EXOC4: variants seen among roughly 807,000 people sequenced by gnomAD.
EXOC4 encodes the protein SEC8-like 1.
A neutral mutation model predicts 107.2 loss-of-function variants in EXOC4; 71 were observed. The ratio of observed to expected loss-of-function variants is 0.66; its 90% CI spans 0.55 to 0.81. EXOC4 has a LOEUF of 0.81. Among genes scored for constraint, EXOC4 ranks in the 30% least tolerant of loss-of-function variants. EXOC4 has a pLI of 0.00. For missense variants in EXOC4, 1,108 were observed against 1,189.6 expected (o/e 0.93, Z 1.01); for synonymous variants, 456 against 441.2 (o/e 1.03, Z -0.42).
rs182244662 is a variant in EXOC4, at chr7:133,397,796, T to C, written c.1182+22794T>C. 2.6e-5 allele frequency among the ~76,000 whole-genome samples: 4 copies of C among 152,316 alleles called. No individual in the cohort carries two copies. The East Asian group carries it at 7.7e-4, about 29-fold the overall frequency. On this transcript the variant is annotated intron_variant, in intron 7 of 17. Transcript: ENST00000253861. ...AATAACAAAATTAAAAAATTACAGC[T>C]AACATTTGATAAGCATTTACCACAT...
chr7:133,563,897 C>G (rs2150953041), intron 9 of EXOC4, among the ~76,000 whole-genome samples: 1 of 152,222 alleles, frequency 6.6e-6, no homozygotes, highest in Non-Finnish European at 1.5e-5. Flanking sequence ...GCCACTTTGT[C>G]CATTTGAATT....
At chr7:133,681,809 C>G (rs962868144) in intron 10 of EXOC4, among the ~76,000 whole-genome samples, 3 of 151,808 alleles carry the variant, frequency 2.0e-5, no homozygotes, top group Non-Finnish European at 4.4e-5. Context: ...CCTCCTTCAT[C>G]GGTTGTACGT....
At chr7:133,968,537 G>A (rs2116863942) in intron 14 of EXOC4, among the ~76,000 whole-genome samples, 1 of 152,226 alleles carries the variant, frequency 6.6e-6, no homozygotes, top group East Asian at 1.9e-4. Flanking sequence ...CAGGCCTGGT[G>A]GTGACAAAAT....
chr7:133,587,886 A>T (rs1441480291), intron 9 of EXOC4, among the ~76,000 whole-genome samples: 1 of 152,234 alleles, frequency 6.6e-6, no homozygotes, highest in African/African-American at 2.4e-5. Context: ...AAAATTCACC[A>T]AACACTACAC....
chr7:133,571,418 T>C (rs1183148559), intron 9 of EXOC4, among the ~76,000 whole-genome samples: 2 of 152,214 alleles, frequency 1.3e-5, no homozygotes, highest in African/African-American at 4.8e-5. Flanking sequence ...CTTATGCCTG[T>C]AATCCCAGCA....
chr7:133,822,433 C>G (rs1797543795), intron 11 of EXOC4, among the ~76,000 whole-genome samples: 1 of 152,162 alleles, frequency 6.6e-6, no homozygotes, highest in Non-Finnish European at 1.5e-5. Flanking sequence ...CCTTACCCAT[C>G]AAATTGCTGA....
At chr7:133,254,764 A>G (rs901577528) in intron 1 of EXOC4, among the ~76,000 whole-genome samples, 1 of 152,194 alleles carries the variant, frequency 6.6e-6, no homozygotes, top group Non-Finnish European at 1.5e-5. Flanking sequence ...TACGAGAGAG[A>G]CATGAAATGT....
chr7:133,338,517 C>T (rs1394666372), intron 5 of EXOC4, among the ~76,000 whole-genome samples: 24 of 137,834 alleles, frequency 1.7e-4, no homozygotes, highest in African/African-American at 2.4e-4. Context: ...GGCGTGAACC[C>T]GGGAAGCGGA....
At chr7:133,815,357 G>A (rs1183039549) in intron 10 of EXOC4, among the ~76,000 whole-genome samples, 5 of 147,690 alleles carry the variant, frequency 3.4e-5, no homozygotes, top group African/African-American at 7.6e-5. Context: ...CCTGGGTGAC[G>A]GAGTAAGACT....
chr7:133,751,611 A>G (rs938284230), intron 10 of EXOC4, among the ~76,000 whole-genome samples: 2 of 152,176 alleles, frequency 1.3e-5, no homozygotes, highest in Non-Finnish European at 2.9e-5. Flanking sequence ...GTATAGCAGC[A>G]TCTTGATTTG....
intron 17 of EXOC4, among the ~76,000 whole-genome samples, chr7:134,056,858 G>A (rs1035183492): frequency 9.9e-5 from 15 of 152,150 alleles, no homozygotes; most frequent in African/African-American, 3.6e-4. Context: ...GCCAAGGAGT[G>A]TGTCATCATC....
intron 1 of EXOC4, among the ~76,000 whole-genome samples, chr7:133,266,690 C>G (rs147334957): frequency 6.6e-6 from 1 of 152,184 alleles, no homozygotes; most frequent in Admixed American, 6.5e-5. Flanking sequence ...TTCAAAATCT[C>G]TAGGCCTGAA....
intron 7 of EXOC4, among the ~76,000 whole-genome samples, chr7:133,378,344 G>C (rs1796536580): frequency 6.7e-6 from 1 of 149,286 alleles, no homozygotes; most frequent in Non-Finnish European, 1.5e-5. Context: ...CAGGCTGAAG[G>C]AAAATAATAC....
intron 6 of EXOC4, among the ~76,000 whole-genome samples, chr7:133,370,408 C>T (rs867114777): frequency 2.0e-5 from 3 of 151,976 alleles, no homozygotes; most frequent in Middle Eastern, 3.4e-3. Flanking sequence ...GCAAGTCAAG[C>T]GAGGAGGGGC....
At chr7:133,416,238 A>C (rs1395207362) in intron 7 of EXOC4, among the ~76,000 whole-genome samples, 3 of 152,194 alleles carry the variant, frequency 2.0e-5, no homozygotes, top group Non-Finnish European at 2.9e-5. Context: ...CTTGAAAGGA[A>C]AGATGGAGCT....
intron 14 of EXOC4, among the ~76,000 whole-genome samples, chr7:133,968,899 T>G (rs1265530372): frequency 6.6e-6 from 1 of 152,220 alleles, no homozygotes; most frequent in African/African-American, 2.4e-5. Flanking sequence ...CTTGCTAGGC[T>G]GGGGAAGTTC....
chr7:133,856,521 A>C (rs954633863), intron 11 of EXOC4, among the ~76,000 whole-genome samples: 3 of 152,240 alleles, frequency 2.0e-5, no homozygotes, highest in Non-Finnish European at 2.9e-5. Context: ...CTGTGTGTGC[A>C]GCTCCTAGTG....
At chr7:133,270,872 A>G (rs1793852211) in intron 1 of EXOC4, among the ~76,000 whole-genome samples, 5 of 150,828 alleles carry the variant, frequency 3.3e-5, no homozygotes, top group Admixed American at 2.6e-4. Context: ...ATTTGCTAGC[A>G]TGTGTGAGAA....
intron 9 of EXOC4, chr7:133,484,331 A>C: frequency 1.8e-6 from 1 of 542,508 alleles, no homozygotes; most frequent in Non-Finnish European, 3.0e-6. Context: ...GTGAGATACC[A>C]GGTGGAGATC....
Sources: gnomAD v4.1 joint callset for allele counts (sites outside exome capture counted in the v4.1 genomes callset) on GRCh38, gnomAD v4.1.1 for gene constraint, MANE v1.5 for transcripts, NCBI Gene and HGNC (gene_info 2026-07-23, HGNC 2026-07-21) for gene names.